Variants in LBR observed in about 807,000 individuals in gnomAD.
LBR encodes lamin B receptor, also known as delta(14)-sterol reductase LBR.
A neutral mutation model predicts 74.3 loss-of-function variants in LBR; 28 were observed. That is an observed-to-expected ratio of 0.38 (90% CI 0.28 to 0.52). The LOEUF is 0.52. LBR is among the 20% of genes least tolerant of loss of function. LBR has a pLI of 0.89. For missense variants in LBR, 717 were observed against 760.3 expected (o/e 0.94, Z 0.67); for synonymous variants, 228 against 269.3 (o/e 0.85, Z 1.50).
rs1340867 is a variant in LBR at position 225,424,143 on chromosome 1, C to T, written c.-14-54G>A. The stretch of plus-strand genomic sequence containing the variant: ...GTCAATACATACACATTTATGTATT[C>T]GTCTTTTTCCACAGGCTGATCACTA... On this transcript the variant is annotated intron_variant, in intron 1 of 13. Coordinates refer to ENST00000272163, the MANE Select transcript of LBR (RefSeq NM_002296.4). 821,118 of 1,335,870 alleles carry T rather than the reference C, an allele frequency of 0.61. 255,854 individuals carry two copies. The highest frequency in any genetic ancestry group is 0.77 in the East Asian group (33,676 of 43,638). The allele number at this position is 1,335,870 out of a possible 1,614,324, so 82.8% of individuals were successfully genotyped here.
At chr1:225,427,105 G>C (rs16844880) in intron 1 of LBR, among the ~76,000 whole-genome samples, 3,027 of 152,134 alleles carry the variant, frequency 0.02, 104 homozygotes, top group African/African-American at 0.068. Context: ...TCCACGCGCG[G>C]ACCACGGTAT....
intron 10 of LBR, 59 bp downstream of exon 10, chr1:225,410,232 G>A (rs2096101856): frequency 6.2e-6 from 10 of 1,609,666 alleles, no homozygotes; most frequent in Non-Finnish European, 8.5e-6. Context: ...GGCTCTGACA[G>A]GTCACTCACC....
intron 3 of LBR, 78 bp downstream of exon 3, chr1:225,421,996 ATAT>A (rs2096128214): frequency 7.5e-7 from 1 of 1,324,770 alleles, no homozygotes; most frequent in Non-Finnish European, 1.1e-6. Context: ...TGACATTTTA[ATAT>A]TATTAACTGC....
chr1:225,422,504 A>G (rs1023396046), intron 2 of LBR: 1 of 558,128 alleles, frequency 1.8e-6, no homozygotes, highest in Non-Finnish European at 3.2e-6. Context: ...TGTTCTTTGA[A>G]GGTATTTCCA....
chr1:225,423,821 C>T (rs1002329352), intron 2 of LBR, 90 bp downstream of exon 2: 1 of 1,280,940 alleles, frequency 7.8e-7, no homozygotes, highest in Non-Finnish European at 1.1e-6. Context: ...TCAAACCGAG[C>T]TGAACTGACT....
chr1:225,426,807 C>A (rs2096140093), intron 1 of LBR, among the ~76,000 whole-genome samples: 1 of 152,222 alleles, frequency 6.6e-6, no homozygotes, highest in South Asian at 2.1e-4. Context: ...ACCTTCCTGG[C>A]TGTAAAGGCA....
intron 10 of LBR, among the ~76,000 whole-genome samples, chr1:225,407,713 T>C (rs190899928): frequency 2.0e-5 from 3 of 152,188 alleles, no homozygotes; most frequent in African/African-American, 7.2e-5. Flanking sequence ...TAAGCTCTGT[T>C]GGAGAATCAA....
At chr1:225,426,051 T>C (rs531116437) in intron 1 of LBR, among the ~76,000 whole-genome samples, 19 of 152,360 alleles carry the variant, frequency 1.2e-4, no homozygotes, top group Admixed American at 7.8e-4. Context: ...TTAACACATA[T>C]GGTGGATACC....
chr1:225,412,484 G>C lies in LBR; in HGVS notation c.1054C>G (p.Pro352Ala). The stretch of plus-strand genomic sequence containing the variant: ...CTGGCAGGCGACAGGTCATTCCGGG[G>C]CGCTTTCAAAGAGCGCATGTAGAGA... ...VYLYMRSLKA[P>A]RNDLSPASSG... is the part of the protein sequence containing the mutation. Residue 352 changes from proline to alanine, a missense_variant, in exon 8 of 14, where the codon CCC (proline) becomes GCC (alanine). Transcript: ENST00000272163. 3 of 1,614,046 alleles carry C rather than the reference G, an allele frequency of 1.9e-6. No individual in the cohort carries two copies. Among genetic ancestry groups the C allele is most frequent in the Non-Finnish European group, 2.5e-6 (3 of 1,180,002 alleles).
chr1:225,407,053 C>T (rs1218262194), intron 10 of LBR, among the ~76,000 whole-genome samples: 1 of 152,116 alleles, frequency 6.6e-6, no homozygotes. Flanking sequence ...CTGGAGATAA[C>T]AGATCTCTAA....
At chr1:225,407,793 C>T (rs1401602334) in intron 10 of LBR, among the ~76,000 whole-genome samples, 2 of 151,988 alleles carry the variant, frequency 1.3e-5, no homozygotes, top group Non-Finnish European at 2.9e-5. Context: ...AGCAAATAGG[C>T]CATGGAACAG....
intron 2 of LBR, 144 bp from the exon 3 acceptor site, chr1:225,422,421 A>G: frequency 1.4e-6 from 1 of 716,664 alleles, no homozygotes; most frequent in Non-Finnish European, 2.5e-6. Flanking sequence ...CTGAGAATGG[A>G]TCAGATGAAG....
intron 5 of LBR, among the ~76,000 whole-genome samples, chr1:225,418,902 G>A (rs1406548001): frequency 2.6e-5 from 4 of 152,168 alleles, no homozygotes; most frequent in East Asian, 3.8e-4. Context: ...GCCGCCTCAG[G>A]TCTGACTATT....
chr1:225,406,546 A>C, intron 11 of LBR, 118 bp downstream of exon 11: 1 of 889,526 alleles, frequency 1.1e-6, no homozygotes, highest in South Asian at 1.7e-5. Flanking sequence ...AAATGGCTTC[A>C]AACTGAGCTA....
In LBR at chr1:225,415,296, G is replaced by A. The variant is rs755779401; in HGVS notation, c.874C>T (p.Leu292Phe). The change falls in exon 7 of 14, where the codon CTC (leucine) becomes TTC (phenylalanine). Residue 292 changes from leucine to phenylalanine, a missense_variant. Transcript: ENST00000272163. ...EGTPLIDGRR[L>F]KYRLNGFYAF... ...AAATCACCATTTAATCTATACTTGA[G>A]TCTTCTTCCATCAATAAGAGGCGTT... is the stretch of plus-strand genomic sequence containing the variant. 1.3e-6 allele frequency: 2 copies of A among 1,593,606 alleles called. No homozygotes were observed. The highest frequency in any genetic ancestry group is 1.7e-5 in the Admixed American group (1 of 59,254).
At chr1:225,423,881 C>T (rs762769659) in intron 2 of LBR, 30 bp downstream of exon 2, 2 of 1,596,638 alleles carry the variant, frequency 1.3e-6, no homozygotes, top group African/African-American at 1.3e-5. Flanking sequence ...TTACTGTAAA[C>T]ACACTCTGAT....
chr1:225,417,374 G>A (rs142794248), intron 6 of LBR, among the ~76,000 whole-genome samples: 29 of 152,212 alleles, frequency 1.9e-4, no homozygotes, highest in Admixed American at 1.1e-3. Context: ...CCAAGTAAAG[G>A]ATTCTACTGA....
intron 9 of LBR, 107 bp from the exon 10 acceptor site, chr1:225,410,523 C>G (rs942725739): frequency 1.7e-6 from 2 of 1,182,574 alleles, no homozygotes; most frequent in African/African-American, 1.5e-5. Context: ...CAGACGCCAC[C>G]GTAACTCCTA....
chr1:225,411,457 G>A lies in LBR; in HGVS notation c.1085-17C>T, dbSNP rs1416239351. On this transcript the variant is annotated splice_polypyrimidine_tract_variant and intron_variant, in intron 8 of 13. Coordinates refer to ENST00000272163, the MANE Select transcript of LBR (RefSeq NM_002296.4). ...CAGCATTTCCTGAGAAAGGAAAAGT[G>A]TTTACCCAAACAGCATTCCAAACCC... The A allele has an allele frequency of 6.3e-7, 1 of 1,586,208 alleles. No individual in the cohort carries two copies. The highest frequency in any genetic ancestry group is 1.7e-5 in the Admixed American group (1 of 59,986).
Sources: allele counts gnomAD v4.1 joint callset (sites outside exome capture counted in the v4.1 genomes callset), GRCh38; gene constraint gnomAD v4.1.1; transcripts MANE v1.5; gene names NCBI Gene and HGNC (gene_info 2026-07-23, HGNC 2026-07-21).